CERS3: variants seen among roughly 807,000 people sequenced by gnomAD.
The protein encoded by CERS3 is LAG1 homolog, ceramide synthase 3.
CERS3 carries 33 observed loss-of-function variants against 50.3 expected under a neutral mutation model. That is an observed-to-expected ratio of 0.66 (90% CI 0.50 to 0.88). The LOEUF (loss-of-function observed/expected upper bound fraction) is 0.88. Ranked by LOEUF, CERS3 falls within the 40% of genes least tolerant of loss-of-function variation. The pLI is 0.00. For synonymous variants in CERS3, 176 were observed against 155.2 expected (o/e 1.13, Z -0.99); for missense variants, 470 against 460.3 (o/e 1.02, Z -0.19).
In CERS3 at chr15:100,460,556, C is replaced by G. The variant is rs553757801; in HGVS notation, c.846-4510G>C. ...TGTACTTTCTCTTTTCAACTGAACC[C>G]CTTTCCATCCATTAAAGCATGGGTC... is the stretch of plus-strand genomic sequence containing the variant. On this transcript the variant is annotated intron_variant, in intron 10 of 11. Transcript: ENST00000679737. 5.3e-5 allele frequency among the ~76,000 whole-genome samples: 8 copies of G among 152,290 alleles called. No individual in the cohort carries two copies. In the East Asian group the frequency reaches 1.5e-3, roughly 29 times the overall value.
At chr15:100,432,155 C>T (rs187604164) in intron 11 of CERS3, among the ~76,000 whole-genome samples, 4 of 151,786 alleles carry the variant, frequency 2.6e-5, no homozygotes, top group Non-Finnish European at 4.4e-5. Flanking sequence ...GAAGCCTTGA[C>T]TTCCTGAGCT....
intron 3 of CERS3, among the ~76,000 whole-genome samples, chr15:100,491,328 A>C (rs939466071): frequency 1.3e-5 from 2 of 152,172 alleles, no homozygotes; most frequent in African/African-American, 2.4e-5. Context: ...TCAAGTTCTA[A>C]CATACGAAAA....
At chr15:100,497,900 T>G (rs1005351458) in intron 3 of CERS3, among the ~76,000 whole-genome samples, 2 of 144,602 alleles carry the variant, frequency 1.4e-5, no homozygotes, top group Non-Finnish European at 1.5e-5. Context: ...CACACACTTT[T>G]TTTTTTTTTT....
rs2036568991 is a variant in CERS3, at chr15:100,519,011, T to C, written c.-2+2656A>G. 2.6e-5 allele frequency among the ~76,000 whole-genome samples: 4 copies of C among 151,966 alleles called. No homozygotes were observed. In the South Asian group the frequency reaches 8.3e-4, roughly 32 times the overall value. On this transcript the variant is annotated intron_variant, in intron 2 of 11. Transcript: ENST00000679737. ...ACCGTCTCTACTAAAAATACAAAAT[T>C]AGCTGGGCGTGGTGGTGCGCATCTG... is the stretch of plus-strand genomic sequence containing the variant.
chr15:100,533,049 C>A (rs2036979084), upstream of CERS3, among the ~76,000 whole-genome samples: 1 of 152,186 alleles, frequency 6.6e-6, no homozygotes, highest in South Asian at 2.1e-4. Context: ...CCACACTCAT[C>A]CTGGCCCAGG....
At chr15:100,417,911 C>A (rs1180975848) in intron 11 of CERS3, among the ~76,000 whole-genome samples, 1 of 151,958 alleles carries the variant, frequency 6.6e-6, no homozygotes, top group Non-Finnish European at 1.5e-5. Context: ...AAAGGACATC[C>A]ACACCGAAAA....
At chr15:100,469,217 T>C (rs767657696) in intron 10 of CERS3, among the ~76,000 whole-genome samples, 161 bp downstream of exon 10, 4 of 152,240 alleles carry the variant, frequency 2.6e-5, no homozygotes, top group Admixed American at 6.5e-5. Context: ...GTTGTTTTAA[T>C]TATTTATAAA....
intron 11 of CERS3, among the ~76,000 whole-genome samples, chr15:100,417,744 A>G (rs1456571157): frequency 2.0e-5 from 3 of 151,920 alleles, no homozygotes; most frequent in East Asian, 1.9e-4. Flanking sequence ...GAGAACGGGC[A>G]GACTGCCTCC....
At chr15:100,484,780 T>C in intron 4 of CERS3, 112 bp from the exon 5 acceptor site, 1 of 768,456 alleles carries the variant, frequency 1.3e-6, no homozygotes, top group South Asian at 1.6e-5. Context: ...ATGAGAGAAA[T>C]TCTGTCATGA....
At chr15:100,416,412 G>T (rs560910722) in intron 11 of CERS3, among the ~76,000 whole-genome samples, 1 of 152,296 alleles carries the variant, frequency 6.6e-6, no homozygotes, top group East Asian at 1.9e-4. Flanking sequence ...AACAGTGCTG[G>T]GATAGCTGGC....
Position 100,484,593 on chromosome 15 carries a change from T to C in CERS3, c.364A>G (p.Asn122Asp). 6.2e-7 allele frequency: 1 copy of C among 1,614,198 alleles called. No homozygotes were observed. Among genetic ancestry groups the C allele is most frequent in the Non-Finnish European group, 8.5e-7 (1 of 1,180,022 alleles). The change falls in exon 5 of 12, where the codon AAT becomes GAT. Residue 122 changes from asparagine to aspartate, a missense_variant. Coordinates refer to ENST00000679737, the MANE Select transcript of CERS3 (RefSeq NM_001378789.1). ...QVERWFRSRR[N>D]QERPSRLKKF... ...TTCAGCCTGGAAGGCCTCTCTTGAT[T>C]CCGCCGACTCCTAAACCATCTTTCC... is the stretch of plus-strand genomic sequence containing the variant.
intron 11 of CERS3, among the ~76,000 whole-genome samples, chr15:100,409,417 T>C (rs913716200): frequency 1.4e-5 from 2 of 147,926 alleles, no homozygotes; most frequent in African/African-American, 2.5e-5. Flanking sequence ...AAAAATGAGG[T>C]TTTTCTAATC....
Position 100,469,459 on chromosome 15 carries a change from C to A in CERS3, c.764G>T (p.Gly255Val). 6.2e-7 allele frequency: 1 copy of A among 1,613,790 alleles called. No individual in the cohort carries two copies. Among genetic ancestry groups the A allele is most frequent in the Non-Finnish European group, 8.5e-7 (1 of 1,179,750 alleles). The change falls in exon 10 of 12, where the codon GGA becomes GTA. Residue 255 changes from glycine (G) to valine (V), a missense_variant. Coordinates refer to ENST00000679737, the MANE Select transcript of CERS3 (RefSeq NM_001378789.1). ...CAGGGTGTTACAGGTCTGCGTCCAT[C>A]CAGCATAAGAAAACATCTTAGCAGA... The part of the protein sequence containing the change: ...LESAKMFSYA[G>V]WTQTCNTLFF...
intron 10 of CERS3, among the ~76,000 whole-genome samples, chr15:100,462,688 A>C (rs2034589586): frequency 6.6e-6 from 1 of 152,228 alleles, no homozygotes; most frequent in Non-Finnish European, 1.5e-5. Context: ...TCCTGGAAGT[A>C]CCTTAACTCT....
intron 2 of CERS3, among the ~76,000 whole-genome samples, chr15:100,521,105 G>C (rs1319631653): frequency 6.6e-6 from 1 of 152,172 alleles, no homozygotes; most frequent in Non-Finnish European, 1.5e-5. Context: ...TACAGAGCCA[G>C]ACTCAAATTT....
At chr15:100,418,127 T>C (rs939346437) in intron 11 of CERS3, among the ~76,000 whole-genome samples, 3 of 151,898 alleles carry the variant, frequency 2.0e-5, no homozygotes, top group East Asian at 1.9e-4. Flanking sequence ...ACGATCAAAT[T>C]ACTCTGAGCT....
At chr15:100,537,169 A>G (rs1421016325) in intron 1 of CERS3, among the ~76,000 whole-genome samples, 2 of 151,916 alleles carry the variant, frequency 1.3e-5, no homozygotes, top group African/African-American at 2.4e-5. Flanking sequence ...TGAATTCTCT[A>G]GTGGGATTTT....
chr15:100,467,250 A>C (rs1258873179), intron 10 of CERS3, among the ~76,000 whole-genome samples: 1 of 152,044 alleles, frequency 6.6e-6, no homozygotes, highest in African/African-American at 2.4e-5. Context: ...AAGAGACCCT[A>C]AGTGAAAATC....
chr15:100,465,665 T>TG (rs2034688729), intron 10 of CERS3, among the ~76,000 whole-genome samples: 1 of 152,004 alleles, frequency 6.6e-6, no homozygotes, highest in African/African-American at 2.4e-5. Context: ...TGAACTTTTT[T>TG]TTTTTTTTTT....
Sources: gnomAD v4.1 joint callset for allele counts (sites outside exome capture counted in the v4.1 genomes callset) on GRCh38, gnomAD v4.1.1 for gene constraint, MANE v1.5 for transcripts, NCBI Gene and HGNC (gene_info 2026-07-23, HGNC 2026-07-21) for gene names.